LDB2: variants seen among roughly 807,000 people sequenced by gnomAD.
LDB2 encodes LIM domain binding 2.
Under a neutral mutation model 44.3 loss-of-function variants are expected in LDB2, and 12 were observed. The observed-to-expected ratio is 0.27, with a 90% CI of 0.17 to 0.44. The LOEUF (loss-of-function observed/expected upper bound fraction) is 0.44, where lower values mean the gene tolerates loss of function less well. LDB2 is among the 20% of genes least tolerant of loss of function. LDB2 has a pLI of 1.00. For missense variants in LDB2, 344 were observed against 473.5 expected (o/e 0.73, Z 2.54); for synonymous variants, 164 against 174.8 (o/e 0.94, Z 0.49).
At chr4:16,842,377 A>C (rs1786053176) in intron 1 of LDB2, among the ~76,000 whole-genome samples, 1 of 152,214 alleles carries the variant, frequency 6.6e-6, no homozygotes. Flanking sequence ...TCAACCTAGC[A>C]GAAGAAACTA....
At chr4:16,689,686 A>C (rs1283542687) in intron 2 of LDB2, among the ~76,000 whole-genome samples, 1 of 152,226 alleles carries the variant, frequency 6.6e-6, no homozygotes, top group African/African-American at 2.4e-5. Flanking sequence ...AGCCAGTCTG[A>C]AGATTTAAAA....
chr4:16,517,949 T>G (rs575427671), intron 5 of LDB2, among the ~76,000 whole-genome samples: 4 of 152,102 alleles, frequency 2.6e-5, no homozygotes, highest in African/African-American at 9.6e-5. Context: ...TTGGCCAGAT[T>G]TATAGCAAGG....
intron 1 of LDB2, among the ~76,000 whole-genome samples, chr4:16,880,903 CA>C (rs1004776367): frequency 0.048 from 2,773 of 57,464 alleles, 36 homozygotes; most frequent in Middle Eastern, 0.17. Flanking sequence ...GACTCCATCT[CA>C]AAAAAAAAAA....
intron 2 of LDB2, among the ~76,000 whole-genome samples, chr4:16,675,072 C>T (rs1745914483): frequency 6.6e-6 from 1 of 152,146 alleles, no homozygotes; most frequent in Admixed American, 6.5e-5. Flanking sequence ...TAAATGCAAT[C>T]ATTTATTTTT....
intron 1 of LDB2, among the ~76,000 whole-genome samples, chr4:16,786,112 A>T (rs1051092194): frequency 6.6e-6 from 1 of 152,162 alleles, no homozygotes; most frequent in African/African-American, 2.4e-5. Context: ...AAACATATAT[A>T]TTTTAATTGA....
chr4:16,760,603 G>T (rs1767685848), intron 1 of LDB2, among the ~76,000 whole-genome samples: 1 of 152,024 alleles, frequency 6.6e-6, no homozygotes, highest in Non-Finnish European at 1.5e-5. Context: ...TATGTATTGG[G>T]CACTTAACTA....
intron 1 of LDB2, among the ~76,000 whole-genome samples, chr4:16,877,387 C>A (rs1334972600): frequency 6.6e-6 from 1 of 152,120 alleles, no homozygotes; most frequent in Non-Finnish European, 1.5e-5. Context: ...TTTTAAAATT[C>A]TCTGATTATT....
At chr4:16,547,884 TTTTC>T (rs1243541935) in intron 5 of LDB2, among the ~76,000 whole-genome samples, 11 of 152,104 alleles carry the variant, frequency 7.2e-5, no homozygotes, top group Admixed American at 7.2e-4. Context: ...AGAAAGTGTG[TTTTC>T]TTTATTTTTA....
At chr4:16,895,948 T>A (rs1724877628) in intron 1 of LDB2, among the ~76,000 whole-genome samples, 1 of 152,174 alleles carries the variant, frequency 6.6e-6, no homozygotes, top group Non-Finnish European at 1.5e-5. Flanking sequence ...AATTATTTGA[T>A]TCTCTCCCCT....
intron 5 of LDB2, among the ~76,000 whole-genome samples, chr4:16,538,076 G>A (rs1444159242): frequency 6.6e-6 from 1 of 152,218 alleles, no homozygotes; most frequent in Non-Finnish European, 1.5e-5. Flanking sequence ...GCTTGTCAAA[G>A]TGGCTCTCAG....
chr4:16,584,022 G>C (rs1715790536), intron 5 of LDB2, among the ~76,000 whole-genome samples: 1 of 152,152 alleles, frequency 6.6e-6, no homozygotes. Context: ...AATAGCTACT[G>C]AATCACGACG....
chr4:16,813,302 T>C (rs1444889788), intron 1 of LDB2, among the ~76,000 whole-genome samples: 1 of 152,180 alleles, frequency 6.6e-6, no homozygotes, highest in Non-Finnish European at 1.5e-5. Flanking sequence ...TACTCATTTG[T>C]ATGATAAGAC....
intron 2 of LDB2, among the ~76,000 whole-genome samples, chr4:16,664,525 G>A (rs112079695): frequency 1.4e-3 from 208 of 152,262 alleles, no homozygotes; most frequent in Admixed American, 2.9e-3. Flanking sequence ...TAAGACCCCC[G>A]TGTTGATCTG....
At chr4:16,870,190 A>G (rs1385062024) in intron 1 of LDB2, among the ~76,000 whole-genome samples, 1 of 152,204 alleles carries the variant, frequency 6.6e-6, no homozygotes, top group Non-Finnish European at 1.5e-5. Context: ...AACCATAACC[A>G]TATCAATAGG....
intron 2 of LDB2, 131 bp from the exon 3 acceptor site, chr4:16,596,006 T>C: frequency 1.1e-6 from 1 of 905,606 alleles, no homozygotes; most frequent in South Asian, 2.0e-5. Context: ...GAGGCAAATT[T>C]CTCTTTAAAA....
intron 5 of LDB2, among the ~76,000 whole-genome samples, chr4:16,569,652 CTCCATCCCTCCA>C (rs1212787873): frequency 6.6e-6 from 1 of 152,134 alleles, no homozygotes; most frequent in Non-Finnish European, 1.5e-5. Context: ...CTGGGTCAGC[CTCCATCCCTCCA>C]TCCATCCATC....
chr4:16,556,300 A>G (rs1042919414), intron 5 of LDB2, among the ~76,000 whole-genome samples: 1 of 152,248 alleles, frequency 6.6e-6, no homozygotes, highest in Non-Finnish European at 1.5e-5. Flanking sequence ...TCCAGTAGGC[A>G]TCCTTTAAAC....
chr4:16,664,053 A>T (rs12647570), intron 2 of LDB2, among the ~76,000 whole-genome samples: 92,166 of 151,946 alleles, frequency 0.61, 28,107 homozygotes, highest in Middle Eastern at 0.69. Flanking sequence ...AAAAGGGAAT[A>T]GGAAGAGATG....
chr4:16,691,999 T>C (rs1214013949), intron 2 of LDB2, among the ~76,000 whole-genome samples: 1 of 152,212 alleles, frequency 6.6e-6, no homozygotes, highest in Admixed American at 6.5e-5. Flanking sequence ...TCCTCTTTGA[T>C]ATTCCAGTGA....
Sources: gnomAD v4.1 joint callset for allele counts (sites outside exome capture counted in the v4.1 genomes callset) on GRCh38, gnomAD v4.1.1 for gene constraint, MANE v1.5 for transcripts, NCBI Gene and HGNC (gene_info 2026-07-23, HGNC 2026-07-21) for gene names.